Variants in FANCM observed in about 807,000 individuals in gnomAD.
The protein encoded by FANCM is FA complementation group M, also known as Fanconi anemia group M protein.
In FANCM, 140 loss-of-function variants were observed where a neutral mutation model predicts 199.5. The ratio of observed to expected loss-of-function variants is 0.70; its 90% CI spans 0.61 to 0.81. The LOEUF is 0.81. Among genes scored for constraint, FANCM ranks in the 30% least tolerant of loss-of-function variants. FANCM has a pLI of 0.00. For missense variants in FANCM, 2,410 were observed against 2,421.4 expected (o/e 1.00, Z 0.10); for synonymous variants, 840 against 836.8 (o/e 1.00, Z -0.07).
chr14:45,176,757 A>G lies in FANCM; in HGVS notation c.4003A>G (p.Lys1335Glu). The G allele has an allele frequency of 6.2e-7, 1 of 1,612,746 alleles. No homozygotes were observed. The highest frequency in any genetic ancestry group is 8.5e-7 in the Non-Finnish European group (1 of 1,179,382). The change falls in exon 14 of 23, where the codon AAA becomes GAA. Residue 1335 changes from lysine to glutamate, a missense_variant. By Grantham distance (56) the Lys-to-Glu change is moderately conservative (BLOSUM62 1). Transcript: ENST00000267430. ...YSQFSLPVQK[K>E]VMSTPLSKSN... ...TCAGTTTTCTTTACCAGTGCAAAAAAAAGTTATGAGTACACCACTCTCTAA... is the reference window on the plus strand; with the variant it reads ...TCAGTTTTCTTTACCAGTGCAAAAAGAAGTTATGAGTACACCACTCTCTAA...
At chr14:45,193,058 G>A (rs185983639) in intron 20 of FANCM, among the ~76,000 whole-genome samples, 4 of 152,270 alleles carry the variant, frequency 2.6e-5, no homozygotes, top group Non-Finnish European at 5.9e-5. Context: ...AATTACTGTG[G>A]AAAAGGAACC....
In FANCM at chr14:45,189,018, A is replaced by G; in HGVS notation, c.4996A>G (p.Arg1666Gly). The G allele has an allele frequency of 2.5e-6, 4 of 1,613,996 alleles. No homozygotes were observed. Among genetic ancestry groups the G allele is most frequent in the Non-Finnish European group, 3.4e-6 (4 of 1,179,854 alleles). ...NCAHSKKKLS[R>G]IILPDDSSEE... ...TGCACATTCAAAAAAGAAATTATCC[A>G]GAATTATTTTACCAGATGATTCAAG... The change falls in exon 20 of 23, where the codon AGA becomes GGA. Residue 1666 changes from arginine to glycine, a missense_variant. Arg to Gly is a moderately radical substitution (Grantham distance 125). Transcript: ENST00000267430.
Position 45,149,013 on chromosome 14 carries a change from C to G in FANCM, c.918+18C>G, listed in dbSNP as rs374733317. On this transcript the variant is annotated intron_variant, in intron 4 of 22. Coordinates refer to ENST00000267430, the MANE Select transcript of FANCM (RefSeq NM_020937.4). ...ATATCCAGGTAAACCATTTTTATGA[C>G]ATTTAGGGATTTCATAAATAAACTG... The G allele has an allele frequency of 1.3e-6, 2 of 1,587,988 alleles. No homozygotes were observed. The highest frequency in any genetic ancestry group is 2.7e-5 in the African/African-American group (2 of 74,312).
chr14:45,154,643 C>T, intron 6 of FANCM, 54 bp from the exon 7 acceptor site: 1 of 1,139,960 alleles, frequency 8.8e-7, no homozygotes, highest in Non-Finnish European at 1.3e-6. Context: ...ATAAATAATA[C>T]ATTTTATCAG....
At chr14:45,199,847 A>AT in intron 22 of FANCM, 23 bp from the exon 23 acceptor site, 7 of 1,608,764 alleles carry the variant, frequency 4.4e-6, no homozygotes, top group Non-Finnish European at 6.0e-6. Context: ...TAGTGTAATG[A>AT]TTTTGTCTCA....
In FANCM at chr14:45,175,178, C is replaced by G; in HGVS notation, c.2424C>G (p.Thr808=). The G allele has an allele frequency of 1.2e-6, 2 of 1,607,038 alleles. No homozygotes were observed. The highest frequency in any genetic ancestry group is 1.7e-6 in the Non-Finnish European group (2 of 1,174,160). ...AATCTAATAATCTTGCCAGTGACAC[C>G]TTTATCACTCACAAGAAATCGTCAT... The part of the protein sequence containing the change: ...RNESNNLASD[T]FITHKKSSFI... The change falls in exon 14 of 23, where the codon ACC becomes ACG. Residue 808 remains threonine, a synonymous_variant. Coordinates refer to ENST00000267430, the MANE Select transcript of FANCM (RefSeq NM_020937.4).
chr14:45,197,407 C>T (rs1890120053), intron 21 of FANCM, among the ~76,000 whole-genome samples: 1 of 151,834 alleles, frequency 6.6e-6, no homozygotes, highest in African/African-American at 2.4e-5. Flanking sequence ...CCCATTTTGT[C>T]ATTGGTGAAC....
rs1888031473 is a variant in FANCM at position 45,167,063 on chromosome 14, C to T, written c.1902C>T (p.Asn634=). 1.9e-6 allele frequency: 3 copies of T among 1,613,100 alleles called. No homozygotes were observed. Among genetic ancestry groups the T allele is most frequent in the African/African-American group, 1.3e-5 (1 of 74,872 alleles). ...RSPRMVPDGI[N]PKLHKMFITH... ...CACGAATGGTTCCTGATGGAATCAACCCAAAATTACACAAAATGTTCATCA... is the reference window on the plus strand; with the variant it reads ...CACGAATGGTTCCTGATGGAATCAATCCAAAATTACACAAAATGTTCATCA... The change falls in exon 11 of 23, where the codon AAC becomes AAT. Residue 634 remains asparagine, a synonymous_variant. Coordinates refer to ENST00000267430, the MANE Select transcript of FANCM (RefSeq NM_020937.4).
chr14:45,181,454 A>G lies in FANCM; in HGVS notation c.4247A>G (p.Glu1416Gly). 1 of 1,598,508 alleles carries G rather than the reference A, an allele frequency of 6.3e-7. No individual in the cohort carries two copies. The highest frequency in any genetic ancestry group is 8.6e-7 in the Non-Finnish European group (1 of 1,166,320). The change falls in exon 15 of 23, where the codon GAA becomes GGA. Residue 1416 changes from glutamate (E) to glycine (G), a missense_variant. Coordinates refer to ENST00000267430, the MANE Select transcript of FANCM (RefSeq NM_020937.4). ...VEDGQLLTSN[E>G]SEDDEIFRRK... ...GATGGACAATTATTAACAAGTAACG[A>G]AAGTGAAGATGACGAGATTTTCCGA...
Position 45,198,930 on chromosome 14 carries a change from T to A in FANCM, c.6003T>A (p.Ala2001=), listed in dbSNP as rs771267498. 1 of 1,601,850 alleles carries A rather than the reference T, an allele frequency of 6.2e-7. No homozygotes were observed. Among genetic ancestry groups the A allele is most frequent in the Non-Finnish European group, 8.6e-7 (1 of 1,169,316 alleles). ...AGTTTTCATCTGTGAAAAGGATGGC[T>A]AACAGGTATGTCTGTTGTAATATTT... The part of the protein sequence containing the change: ...CHQFSSVKRM[A]NSSLQEISMY... The change falls in exon 22 of 23, where the codon GCT becomes GCA. Residue 2001 remains alanine, a synonymous_variant. Transcript: ENST00000267430.
intron 17 of FANCM, among the ~76,000 whole-genome samples, chr14:45,184,836 C>T (rs2139281987): frequency 6.6e-6 from 1 of 150,824 alleles, no homozygotes; most frequent in South Asian, 2.1e-4. Flanking sequence ...TGCAGTGGCA[C>T]CATCTCAGCT....
intron 2 of FANCM, 47 bp downstream of exon 2, chr14:45,137,288 A>G: frequency 1.3e-6 from 2 of 1,553,366 alleles, no homozygotes. Flanking sequence ...TGTACTGTTA[A>G]AGAGAATTTT....
At chr14:45,193,348 C>T (rs1477686354) in intron 20 of FANCM, among the ~76,000 whole-genome samples, 1 of 152,150 alleles carries the variant, frequency 6.6e-6, no homozygotes, top group Non-Finnish European at 1.5e-5. Flanking sequence ...ATGGCTGAAC[C>T]AGGACAACAG....
At chr14:45,154,632 A>C in intron 6 of FANCM, 65 bp from the exon 7 acceptor site, 1 of 1,118,596 alleles carries the variant, frequency 8.9e-7, no homozygotes, top group Non-Finnish European at 1.3e-6. Context: ...ATTTCTTTTT[A>C]ATAAATAATA....
intron 16 of FANCM, among the ~76,000 whole-genome samples, chr14:45,182,843 C>T (rs1889154836): frequency 6.6e-6 from 1 of 152,114 alleles, no homozygotes; most frequent in Non-Finnish European, 1.5e-5. Flanking sequence ...TTAGCCTAGC[C>T]TACCTTAAAC....
Position 45,136,467 on chromosome 14 carries a change from T to C in FANCM, c.436T>C (p.Leu146=). 1 of 1,614,198 alleles carries C rather than the reference T, an allele frequency of 6.2e-7. No homozygotes were observed. Among genetic ancestry groups the C allele is most frequent in the Non-Finnish European group, 8.5e-7 (1 of 1,180,036 alleles). ...KVVFMAPTKP[L]VTQQIEACYQ... is the part of the protein sequence containing the mutation. ...GGTCTTCATGGCCCCAACGAAACCC[T>C]TGGTGACACAGCAGATCGAGGCTTG... Residue 146 remains leucine (L), a synonymous_variant, in exon 1 of 23, where the codon TTG becomes CTG. Transcript: ENST00000267430.
Position 45,148,926 on chromosome 14 carries a change from AAG to A in FANCM, c.851_852del (p.Arg284LysfsTer3). On this transcript the variant is annotated frameshift_variant, in exon 4 of 23. Transcript: ENST00000267430. LOFTEE classifies it high-confidence loss of function. ...SPDILTYSHE[R>X]KVEKLIVPLG... ...CAGATATTTTGACATATTCTCATGAAAGAAAAGTTGAAAAGCTTATTGTTCCG... is the reference window on the plus strand; with the variant it reads ...CAGATATTTTGACATATTCTCATGAAAAAAGTTGAAAAGCTTATTGTTCCG... 6.2e-7 allele frequency: 1 copy of A among 1,613,832 alleles called. No homozygotes were observed.
At chr14:45,198,575 A>G in intron 21 of FANCM, 69 bp from the exon 22 acceptor site, 1 of 916,554 alleles carries the variant, frequency 1.1e-6, no homozygotes. Context: ...TTAATAAAAT[A>G]AAGTATATTA....
In FANCM at chr14:45,177,948, A is replaced by G. The variant is rs1291664156; in HGVS notation, c.4222+972A>G. 4.6e-5 allele frequency among the ~76,000 whole-genome samples: 7 copies of G among 152,226 alleles called. No homozygotes were observed. In the East Asian group the frequency reaches 1.2e-3, roughly 25 times the overall value. On this transcript the variant is annotated intron_variant, in intron 14 of 22. Coordinates refer to ENST00000267430, the MANE Select transcript of FANCM (RefSeq NM_020937.4). ...AGAAATCTCTGGGTTTCTGTAATCT[A>G]ACCATTACACTTACAGAAAAACTAG...
Sources: allele counts gnomAD v4.1 joint callset (sites outside exome capture counted in the v4.1 genomes callset), GRCh38; gene constraint gnomAD v4.1.1; transcripts MANE v1.5; gene names NCBI Gene and HGNC (gene_info 2026-07-23, HGNC 2026-07-21).